The following PRKCA variants were observed in gnomAD, a reference collection of about 807,000 sequenced individuals.
PRKCA encodes protein kinase C alpha type.
In PRKCA, 27 loss-of-function variants were observed where a neutral mutation model predicts 87.0. That is an observed-to-expected ratio of 0.31 (90% CI 0.23 to 0.43). The LOEUF (loss-of-function observed/expected upper bound fraction) is 0.43. PRKCA is among the 20% of genes least tolerant of loss of function. The pLI is 1.00. For synonymous variants in PRKCA, 329 were observed against 311.1 expected, an observed-to-expected ratio of 1.06 and a Z score of -0.61; for missense variants, 518 against 852.3, an observed-to-expected ratio of 0.61 and a Z score of 4.88.
chr17:66,566,841 G>C (rs1470610301), intron 3 of PRKCA, among the ~76,000 whole-genome samples: 2 of 152,134 alleles, frequency 1.3e-5, no homozygotes, highest in Non-Finnish European at 2.9e-5. Context: ...AGTCCAAGGA[G>C]AGCTTGGGGT....
At chr17:66,506,781 T>G (rs1916999766) in intron 3 of PRKCA, among the ~76,000 whole-genome samples, 1 of 152,218 alleles carries the variant, frequency 6.6e-6, no homozygotes, top group African/African-American at 2.4e-5. Flanking sequence ...GGTGAGGCAA[T>G]AGCTTTTGAC....
At chr17:66,609,710 A>T (rs2143632047) in intron 3 of PRKCA, among the ~76,000 whole-genome samples, 1 of 152,302 alleles carries the variant, frequency 6.6e-6, no homozygotes, top group Middle Eastern at 3.4e-3. Context: ...AAGGAAAAAG[A>T]CAAATACCAC....
In PRKCA at chr17:66,737,309, G is replaced by C. The variant is rs565038221; in HGVS notation, c.1231-1455G>C. On this transcript the variant is annotated intron_variant, in intron 10 of 16. Coordinates refer to ENST00000413366, the MANE Select transcript of PRKCA (RefSeq NM_002737.3). ...ACCCGGGAGGTGGAGCTTGCAGTGAGCCGAGATGGCGCCACTGCACTCCAG... is the reference window on the plus strand; with the variant it reads ...ACCCGGGAGGTGGAGCTTGCAGTGACCCGAGATGGCGCCACTGCACTCCAG... Among the ~76,000 whole-genome samples, 4 of 152,250 alleles carry C rather than the reference G, an allele frequency of 2.6e-5. No homozygotes were observed. In the South Asian group the frequency reaches 8.3e-4, roughly 32 times the overall value.
In PRKCA at chr17:66,587,867, G is replaced by GTGTGTATCTACATATACATATATACA. The variant is rs1567917266; in HGVS notation, c.289-53487_289-53486insGTGTATCTACATATACATATATACAT. Among the ~76,000 whole-genome samples the GTGTGTATCTACATATACATATATACA allele has an allele frequency of 3.6e-4, 20 of 56,204 alleles. 2 individuals carry two copies. Among genetic ancestry groups the GTGTGTATCTACATATACATATATACA allele is most frequent in the Non-Finnish European group, 5.5e-4 (16 of 29,020 alleles). The allele number at this position is 56,204 out of a possible 152,430, so 36.9% of individuals were successfully genotyped here. On this transcript the variant is annotated intron_variant, in intron 3 of 16. Coordinates refer to ENST00000413366, the MANE Select transcript of PRKCA (RefSeq NM_002737.3). The stretch of plus-strand genomic sequence containing the variant: ...TATCTACATATACATATATACATAT[G>GTGTGTATCTACATATACATATATACA]TATGTGTGTGTGTGTGTGTGTGTGT...
At chr17:66,728,337 C>G (rs1215297997) in intron 8 of PRKCA, among the ~76,000 whole-genome samples, 1 of 152,194 alleles carries the variant, frequency 6.6e-6, no homozygotes, top group Admixed American at 6.5e-5. Context: ...ACCCCACACA[C>G]CGGTCTGTCT....
intron 2 of PRKCA, among the ~76,000 whole-genome samples, chr17:66,333,014 T>G (rs1161967906): frequency 6.6e-6 from 1 of 152,180 alleles, no homozygotes; most frequent in Non-Finnish European, 1.5e-5. Context: ...TTTAAGGGAT[T>G]TGTTTGTGAT....
intron 2 of PRKCA, among the ~76,000 whole-genome samples, chr17:66,435,488 C>G (rs193051120): frequency 1.3e-5 from 2 of 152,318 alleles, no homozygotes; most frequent in African/African-American, 4.8e-5. Context: ...CACGGAATCA[C>G]AGATGCCGCC....
chr17:66,678,303 C>A (rs1972390572), intron 5 of PRKCA, among the ~76,000 whole-genome samples: 2 of 152,306 alleles, frequency 1.3e-5, no homozygotes, highest in East Asian at 1.9e-4. Flanking sequence ...CCCTGCAGAG[C>A]CCCTGATTTT....
At chr17:66,438,193 T>C (rs1181562881) in intron 2 of PRKCA, among the ~76,000 whole-genome samples, 1 of 152,138 alleles carries the variant, frequency 6.6e-6, no homozygotes, top group Non-Finnish European at 1.5e-5. Flanking sequence ...ACCTGCAGGA[T>C]TAAAGGATCT....
chr17:66,689,895 G>C lies in PRKCA; in HGVS notation c.918+848G>C, dbSNP rs1014167526. Among the ~76,000 whole-genome samples, 6 of 152,206 alleles carry C rather than the reference G, an allele frequency of 3.9e-5. No homozygotes were observed. Among genetic ancestry groups the C allele is most frequent in the Non-Finnish European group, 8.8e-5 (6 of 68,032 alleles). On this transcript the variant is annotated intron_variant, in intron 8 of 16. Transcript: ENST00000413366. This position sits in a 1 kb window ranked among gnomAD's most constrained non-coding sequence, Gnocchi z 4.1. Reference sequence around the variant, plus strand: ...GTGAATCTTTCTCTTCTTCAGACTTGTTAGAATTCCCTGGAATTTCCCCGC... The same window carrying C: ...GTGAATCTTTCTCTTCTTCAGACTTCTTAGAATTCCCTGGAATTTCCCCGC...
intron 2 of PRKCA, among the ~76,000 whole-genome samples, chr17:66,467,603 G>C (rs971090778): frequency 1.3e-5 from 2 of 152,154 alleles, no homozygotes; most frequent in Non-Finnish European, 2.9e-5. Context: ...TGTCACCCAG[G>C]CTGGAGTGCA....
chr17:66,727,008 G>A (rs1273329120), intron 8 of PRKCA, among the ~76,000 whole-genome samples: 1 of 152,164 alleles, frequency 6.6e-6, no homozygotes, highest in African/African-American at 2.4e-5. Flanking sequence ...ACAGGCTTGA[G>A]CCACCGTGCC....
chr17:66,478,185 G>A (rs138280627), intron 2 of PRKCA, among the ~76,000 whole-genome samples: 1 of 152,182 alleles, frequency 6.6e-6, no homozygotes, highest in Non-Finnish European at 1.5e-5. Context: ...GTTCACATGT[G>A]AGAGGGAGTA....
intron 16 of PRKCA, among the ~76,000 whole-genome samples, chr17:66,794,580 G>A (rs1003446766): frequency 2.2e-4 from 32 of 147,886 alleles, no homozygotes; most frequent in Admixed American, 9.4e-4. Context: ...ATTTTAGCAT[G>A]TTCGTGTTAT....
intron 13 of PRKCA, among the ~76,000 whole-genome samples, chr17:66,765,179 C>T (rs766467812): frequency 9.9e-5 from 15 of 151,822 alleles, no homozygotes; most frequent in Non-Finnish European, 1.3e-4. Flanking sequence ...TTTGGGAGGC[C>T]GAGGCAGGCA....
chr17:66,503,084 G>T (rs1916816551), intron 3 of PRKCA, among the ~76,000 whole-genome samples: 1 of 152,190 alleles, frequency 6.6e-6, no homozygotes, highest in African/African-American at 2.4e-5. Flanking sequence ...CTGTGCATTG[G>T]ATATGTGGAC....
chr17:66,675,593 A>T (rs1052064764), intron 5 of PRKCA, among the ~76,000 whole-genome samples: 2 of 152,172 alleles, frequency 1.3e-5, no homozygotes, highest in Non-Finnish European at 2.9e-5. Context: ...GAATGTCATC[A>T]AAACTGCAGT....
intron 3 of PRKCA, among the ~76,000 whole-genome samples, chr17:66,545,873 G>T (rs1016961903): frequency 1.3e-5 from 2 of 152,072 alleles, no homozygotes; most frequent in Non-Finnish European, 2.9e-5. Context: ...TTTCTTTTAG[G>T]AAAAAAAGTA....
At chr17:66,307,241 T>A (rs1301959477) in intron 2 of PRKCA, among the ~76,000 whole-genome samples, 1 of 152,168 alleles carries the variant, frequency 6.6e-6, no homozygotes, top group Admixed American at 6.5e-5. Context: ...TTTTCAGAGT[T>A]GCATTTGAAA....
Sources: gnomAD v4.1 joint callset for allele counts (sites outside exome capture counted in the v4.1 genomes callset) on GRCh38, gnomAD v4.1.1 for gene constraint, Gnocchi (gnomAD v3.1) non-coding constraint, MANE v1.5 for transcripts, NCBI Gene and HGNC (gene_info 2026-07-23, HGNC 2026-07-21) for gene names.